Variants in CNBD1 observed in about 807,000 individuals in gnomAD.
CNBD1 encodes cyclic nucleotide-binding domain-containing protein 1.
In CNBD1, 71 loss-of-function variants were observed where a neutral mutation model predicts 54.4. The observed-to-expected ratio is 1.30, with a 90% CI of 1.08 to 1.59. CNBD1 has a LOEUF of 1.59. Ranked by LOEUF, CNBD1 falls within the 40% of genes most tolerant of loss-of-function variation. The probability of loss-of-function intolerance (pLI) is 0.00; values close to 1 mark genes in which losing one functional copy is unlikely to be tolerated. For synonymous variants in CNBD1, 182 were observed against 170.7 expected, an observed-to-expected ratio of 1.07 and a Z score of -0.51; for missense variants, 659 against 518.0, an observed-to-expected ratio of 1.27 and a Z score of -2.64.
At position 87,322,531 on chromosome 8, in the gene CNBD1, G is replaced by A. The variant is rs1298452744; in HGVS notation, c.1043-29154G>A. 2.5e-5 allele frequency among the ~76,000 whole-genome samples: 3 copies of A among 120,388 alleles called. 1 individual carries two copies. Among genetic ancestry groups the A allele is most frequent in the Non-Finnish European group, 3.7e-5 (2 of 54,172 alleles). The allele number at this position is 120,388 out of a possible 152,430, so 79.0% of individuals were successfully genotyped here. ...TGAGATGATATCTCATAGTGGTTTT[G>A]ATTTGCATTTCTCTGATGGCCAGTA... On this transcript the variant is annotated intron_variant, in intron 8 of 10. Transcript: ENST00000518476.
chr8:87,360,400 C>A (rs1810502630), intron 10 of CNBD1, among the ~76,000 whole-genome samples: 1 of 151,666 alleles, frequency 6.6e-6, no homozygotes, highest in Non-Finnish European at 1.5e-5. Context: ...CAGACATTGC[C>A]TTGAACATCT....
At chr8:87,130,708 C>T (rs1259397070) in intron 4 of CNBD1, among the ~76,000 whole-genome samples, 1 of 148,804 alleles carries the variant, frequency 6.7e-6, no homozygotes. Flanking sequence ...GCCTGGGAGG[C>T]AGAGGTTGCA....
intron 4 of CNBD1, among the ~76,000 whole-genome samples, chr8:87,140,282 C>T (rs1812346039): frequency 6.6e-6 from 1 of 151,914 alleles, no homozygotes; most frequent in African/African-American, 2.4e-5. Flanking sequence ...ACTGAAATAA[C>T]AAATAATGTG....
At chr8:87,122,426 ATACT>A (rs1811908541) in intron 4 of CNBD1, among the ~76,000 whole-genome samples, 2 of 151,808 alleles carry the variant, frequency 1.3e-5, no homozygotes. Flanking sequence ...AGTTTATTAC[ATACT>A]TTGGATATTA....
intron 5 of CNBD1, among the ~76,000 whole-genome samples, chr8:87,231,536 A>G (rs1472149890): frequency 6.6e-6 from 1 of 152,178 alleles, no homozygotes; most frequent in Admixed American, 6.5e-5. Flanking sequence ...TGCCTGACTC[A>G]TAGGGTTATA....
intron 5 of CNBD1, among the ~76,000 whole-genome samples, chr8:87,211,613 C>T (rs990136965): frequency 1.3e-5 from 2 of 152,042 alleles, no homozygotes; most frequent in African/African-American, 4.8e-5. Flanking sequence ...ATGGCACCTC[C>T]CCTTATTCTC....
At chr8:87,356,693 T>C (rs1810426407) in intron 10 of CNBD1, among the ~76,000 whole-genome samples, 1 of 152,142 alleles carries the variant, frequency 6.6e-6, no homozygotes, top group South Asian at 2.1e-4. Context: ...ACTCTAGCTA[T>C]GTGGAAGAGA....
intron 4 of CNBD1, among the ~76,000 whole-genome samples, chr8:87,012,757 C>A (rs1235774536): frequency 3.3e-5 from 5 of 152,162 alleles, no homozygotes; most frequent in Non-Finnish European, 7.4e-5. Flanking sequence ...CAACTTCAAC[C>A]AATTGTCAAC....
At chr8:87,101,431 A>G (rs1811427326) in intron 4 of CNBD1, among the ~76,000 whole-genome samples, 1 of 151,860 alleles carries the variant, frequency 6.6e-6, no homozygotes, top group African/African-American at 2.4e-5. Flanking sequence ...TCTGAGGAGG[A>G]TACAACTATA....
intron 8 of CNBD1, among the ~76,000 whole-genome samples, chr8:87,308,635 G>C (rs1296539574): frequency 6.6e-6 from 1 of 152,080 alleles, no homozygotes; most frequent in East Asian, 1.9e-4. Flanking sequence ...GAAATATACA[G>C]TATATTGTTG....
chr8:87,280,090 C>T (rs73280335), intron 6 of CNBD1, among the ~76,000 whole-genome samples: 18 of 151,658 alleles, frequency 1.2e-4, no homozygotes, highest in African/African-American at 3.1e-4. Flanking sequence ...CAATGGAATG[C>T]GTTAGGTCCC....
intron 4 of CNBD1, among the ~76,000 whole-genome samples, chr8:87,161,625 G>T (rs945810717): frequency 3.9e-5 from 6 of 152,104 alleles, no homozygotes; most frequent in African/African-American, 1.4e-4. Context: ...ATCTTGAATT[G>T]TTAGAAATAA....
chr8:87,061,646 T>G (rs1193098587), intron 4 of CNBD1, among the ~76,000 whole-genome samples: 1 of 152,172 alleles, frequency 6.6e-6, no homozygotes, highest in African/African-American at 2.4e-5. Flanking sequence ...GAGTGTAGGG[T>G]AAGCTGATGA....
chr8:87,078,694 G>A (rs1443180166), intron 4 of CNBD1, among the ~76,000 whole-genome samples: 1 of 152,078 alleles, frequency 6.6e-6, no homozygotes, highest in Admixed American at 6.6e-5. Flanking sequence ...GTGTTTAAGA[G>A]CATCACAGGA....
chr8:87,187,450 T>G (rs1813503681), intron 4 of CNBD1, among the ~76,000 whole-genome samples: 1 of 149,532 alleles, frequency 6.7e-6, no homozygotes, highest in Admixed American at 6.6e-5. Flanking sequence ...GAGGGAATAA[T>G]ATATTTCATA....
intron 4 of CNBD1, among the ~76,000 whole-genome samples, chr8:87,141,158 T>C (rs1279890756): frequency 6.6e-6 from 1 of 152,160 alleles, no homozygotes; most frequent in Admixed American, 6.5e-5. Context: ...TACCCTTAGT[T>C]TGTAAACAAG....
intron 10 of CNBD1, among the ~76,000 whole-genome samples, chr8:87,381,950 T>C (rs180997178): frequency 1.2e-4 from 18 of 152,074 alleles, no homozygotes; most frequent in Admixed American, 3.3e-4. Context: ...TAGTCAACAA[T>C]ATTGTATTGT....
chr8:86,989,864 T>C (rs769357170), intron 4 of CNBD1, among the ~76,000 whole-genome samples: 2 of 152,188 alleles, frequency 1.3e-5, no homozygotes, highest in Non-Finnish European at 2.9e-5. Context: ...GCATTTATTA[T>C]TGCCTCTCCT....
chr8:87,067,730 TACTTA>T (rs1381924835), intron 4 of CNBD1, among the ~76,000 whole-genome samples: 1 of 151,980 alleles, frequency 6.6e-6, no homozygotes, highest in Non-Finnish European at 1.5e-5. Flanking sequence ...TTTAACTCAG[TACTTA>T]ACTTATAATC....
Sources: allele counts gnomAD v4.1 joint callset (sites outside exome capture counted in the v4.1 genomes callset), GRCh38; gene constraint gnomAD v4.1.1; transcripts MANE v1.5; gene names NCBI Gene and HGNC (gene_info 2026-07-23, HGNC 2026-07-21).